NLGN1: variants seen among roughly 807,000 people sequenced by gnomAD.
NLGN1 encodes neuroligin 1.
In NLGN1, 12 loss-of-function variants were observed where a neutral mutation model predicts 65.5. That is an observed-to-expected ratio of 0.18 (90% CI 0.12 to 0.30). NLGN1 has a LOEUF of 0.30. Among genes scored for constraint, NLGN1 ranks in the 10% least tolerant of loss-of-function variants. NLGN1 has a pLI of 1.00. For synonymous variants in NLGN1, 350 were observed against 359.5 expected, an observed-to-expected ratio of 0.97 and a Z score of 0.30; for missense variants, 750 against 1,007.1, an observed-to-expected ratio of 0.74 and a Z score of 3.46.
chr3:173,935,622 A>ACT (rs72137673), intron 4 of NLGN1, among the ~76,000 whole-genome samples: 2,069 of 107,908 alleles, frequency 0.019, 25 homozygotes, highest in African/African-American at 0.046. Flanking sequence ...ACACACACAC[A>ACT]CTCTCTCTCT....
At chr3:173,411,183 C>T (rs577129367) in intron 1 of NLGN1, among the ~76,000 whole-genome samples, 12 of 152,288 alleles carry the variant, frequency 7.9e-5, no homozygotes, top group Admixed American at 3.9e-4. Flanking sequence ...CATGAGAGAG[C>T]CTGCAGATTG....
At chr3:173,504,718 A>G (rs903861503) in intron 2 of NLGN1, among the ~76,000 whole-genome samples, 1 of 152,000 alleles carries the variant, frequency 6.6e-6, no homozygotes, top group Non-Finnish European at 1.5e-5. Flanking sequence ...TCATCACTTG[A>G]TGTCACCATT....
intron 3 of NLGN1, among the ~76,000 whole-genome samples, chr3:173,768,685 A>G (rs933837522): frequency 6.6e-6 from 1 of 152,200 alleles, no homozygotes; most frequent in Non-Finnish European, 1.5e-5. Flanking sequence ...TCAAACGCAT[A>G]TAATAACCAA....
intron 4 of NLGN1, among the ~76,000 whole-genome samples, chr3:173,977,138 C>T (rs1717676643): frequency 6.6e-6 from 1 of 151,678 alleles, no homozygotes; most frequent in Non-Finnish European, 1.5e-5. Context: ...CACACACACA[C>T]CATTTCAACT....
At chr3:173,405,639 TC>T (rs1413101253) in intron 1 of NLGN1, among the ~76,000 whole-genome samples, 1 of 152,076 alleles carries the variant, frequency 6.6e-6, no homozygotes, top group Non-Finnish European at 1.5e-5. Context: ...TAATCCTATC[TC>T]TTTTTTTCTC....
chr3:174,137,543 G>T (rs987639801), intron 4 of NLGN1, among the ~76,000 whole-genome samples: 1 of 152,072 alleles, frequency 6.6e-6, no homozygotes, highest in African/African-American at 2.4e-5. Flanking sequence ...TTGCTGGATT[G>T]TTGGAAATCT....
intron 4 of NLGN1, among the ~76,000 whole-genome samples, chr3:173,842,452 TC>T (rs1724972788): frequency 6.6e-6 from 1 of 152,094 alleles, no homozygotes; most frequent in South Asian, 2.1e-4. Context: ...ACAAGGCAAG[TC>T]CCTTCTGCCT....
At chr3:174,110,407 A>C (rs2152615139) in intron 4 of NLGN1, among the ~76,000 whole-genome samples, 1 of 152,110 alleles carries the variant, frequency 6.6e-6, no homozygotes, top group East Asian at 1.9e-4. Context: ...GTAAGATTAG[A>C]TATTATTCCT....
At chr3:173,694,347 G>A (rs1251343826) in intron 3 of NLGN1, among the ~76,000 whole-genome samples, 1 of 152,130 alleles carries the variant, frequency 6.6e-6, no homozygotes, top group Non-Finnish European at 1.5e-5. Context: ...AAATTGTTTG[G>A]ACACTTGAGG....
intron 4 of NLGN1, among the ~76,000 whole-genome samples, chr3:173,953,301 A>C (rs149787821): frequency 6.6e-6 from 1 of 152,288 alleles, no homozygotes; most frequent in African/African-American, 2.4e-5. Context: ...TCATTACATA[A>C]GTTGTTTTTC....
chr3:173,445,284 A>AC (rs1479978376), intron 2 of NLGN1, among the ~76,000 whole-genome samples: 5 of 149,336 alleles, frequency 3.3e-5, no homozygotes, highest in Non-Finnish European at 3.0e-5. Flanking sequence ...AAAAAAAAAA[A>AC]AAAAAAAAAA....
chr3:173,860,284 G>T (rs1029914805), intron 4 of NLGN1, among the ~76,000 whole-genome samples: 1 of 151,888 alleles, frequency 6.6e-6, no homozygotes, highest in Non-Finnish European at 1.5e-5. Flanking sequence ...TAGGCATTTA[G>T]AAATTTCAAT....
At chr3:174,111,178 A>G (rs1715143311) in intron 4 of NLGN1, among the ~76,000 whole-genome samples, 1 of 151,934 alleles carries the variant, frequency 6.6e-6, no homozygotes, top group Non-Finnish European at 1.5e-5. Flanking sequence ...TGCCAGTCTA[A>G]GAGAGGAAGT....
intron 1 of NLGN1, among the ~76,000 whole-genome samples, chr3:173,400,607 G>A (rs1717495465): frequency 6.6e-6 from 1 of 152,008 alleles, no homozygotes; most frequent in Non-Finnish European, 1.5e-5. Flanking sequence ...TAGTTCCTTG[G>A]GTGGTCTTTC....
chr3:174,133,711 C>T (rs985224167), intron 4 of NLGN1, among the ~76,000 whole-genome samples: 1 of 152,044 alleles, frequency 6.6e-6, no homozygotes, highest in South Asian at 2.1e-4. Context: ...AGAGCAAACT[C>T]GCACACTTCC....
intron 4 of NLGN1, among the ~76,000 whole-genome samples, chr3:173,858,071 A>G (rs1156803795): frequency 1.3e-5 from 2 of 151,672 alleles, no homozygotes; most frequent in Admixed American, 6.6e-5. Flanking sequence ...GTATTGTCCT[A>G]TACAAAACCA....
intron 4 of NLGN1, among the ~76,000 whole-genome samples, chr3:173,847,315 T>C (rs1276294457): frequency 6.6e-6 from 1 of 152,182 alleles, no homozygotes; most frequent in African/African-American, 2.4e-5. Context: ...AGAAAGATTG[T>C]TTATACATTA....
At chr3:173,716,845 C>T (rs1037014137) in intron 3 of NLGN1, among the ~76,000 whole-genome samples, 1 of 151,894 alleles carries the variant, frequency 6.6e-6, no homozygotes, top group African/African-American at 2.4e-5. Context: ...GAATATTTGT[C>T]GTGTATCTTG....
chr3:173,701,281 G>A (rs928335401), intron 3 of NLGN1, among the ~76,000 whole-genome samples: 12 of 152,258 alleles, frequency 7.9e-5, no homozygotes, highest in Middle Eastern at 3.4e-3. Flanking sequence ...ATGTTATAGC[G>A]TATCTTCAAG....
Sources: allele counts gnomAD v4.1 joint callset (sites outside exome capture counted in the v4.1 genomes callset), GRCh38; gene constraint gnomAD v4.1.1; transcripts MANE v1.5; gene names NCBI Gene and HGNC (gene_info 2026-07-23, HGNC 2026-07-21).